MYO10: variants seen among roughly 807,000 people sequenced by gnomAD.
MYO10 encodes the protein unconventional myosin-X.
Under a neutral mutation model 257.3 loss-of-function variants are expected in MYO10, and 133 were observed. The observed-to-expected ratio is 0.52, with a 90% CI of 0.45 to 0.60. MYO10 has a LOEUF of 0.60. Among genes scored for constraint, MYO10 ranks in the 20% least tolerant of loss-of-function variants. The pLI is 0.00. For missense variants in MYO10, 2,399 were observed against 2,635.7 expected (o/e 0.91, Z 1.97); for synonymous variants, 1,104 against 1,028.6 (o/e 1.07, Z -1.40).
intron 37 of MYO10, 29 bp downstream of exon 37, chr5:16,672,660 T>C: frequency 6.2e-7 from 1 of 1,613,436 alleles, no homozygotes; most frequent in South Asian, 1.1e-5. Flanking sequence ...TTATTTGCTC[T>C]TCTGACACAG....
At chr5:16,920,003 C>A (rs71609340) in intron 1 of MYO10, among the ~76,000 whole-genome samples, 1 of 152,006 alleles carries the variant, frequency 6.6e-6, no homozygotes, top group African/African-American at 2.4e-5. Flanking sequence ...CCCAGCTACT[C>A]GGGAGGCTGA....
Position 16,761,501 on chromosome 5 carries a change from A to C in MYO10, c.1702T>G (p.Phe568Val). 1 of 1,613,594 alleles carries C rather than the reference A, an allele frequency of 6.2e-7. No homozygotes were observed. Among genetic ancestry groups the C allele is most frequent in the Non-Finnish European group, 8.5e-7 (1 of 1,179,718 alleles). ...RGILEKNRDT[F>V]RDDLLNLLRE... ...AGCAAATTGAGAAGGTCATCTCGAA[A>C]TGTATCTCTGTTCTTCTCCAAGATA... The change falls in exon 17 of 41, where the codon TTT becomes GTT. Residue 568 changes from phenylalanine (F) to valine (V), a missense_variant. Physicochemically the swap from Phe to Val is conservative, Grantham distance 50. This residue lies in a region of MYO10 where 1,820 missense variants were observed against 1,939.4 expected (regional missense o/e 0.94). Coordinates refer to ENST00000513610, the MANE Select transcript of MYO10 (RefSeq NM_012334.3).
At position 16,694,426 on chromosome 5, in the gene MYO10, A is replaced by G; in HGVS notation, c.3745T>C (p.Phe1249Leu). The change falls in exon 27 of 41, where the codon TTT becomes CTT. Residue 1249 changes from phenylalanine (F) to leucine (L), a missense_variant. This residue lies in a region of MYO10 where 1,820 missense variants were observed against 1,939.4 expected (regional missense o/e 0.94). Coordinates refer to ENST00000513610, the MANE Select transcript of MYO10 (RefSeq NM_012334.3). ...FVLRQSKLMY[F>L]ENDSEEKLKG... is the part of the protein sequence containing the mutation. The stretch of plus-strand genomic sequence containing the variant: ...AGCTTCTCCTCGCTGTCGTTTTCAA[A>G]GTACATCAGCTTGGACTGGCGGAGG... 9 of 1,614,058 alleles carry G rather than the reference A, an allele frequency of 5.6e-6. No homozygotes were observed. Among genetic ancestry groups the G allele is most frequent in the Non-Finnish European group, 7.6e-6 (9 of 1,179,908 alleles).
rs534808658 is a variant in MYO10, at chr5:16,806,793, AG to A, written c.279+11215del. Among the ~76,000 whole-genome samples, 56 of 152,300 alleles carry A rather than the reference AG, an allele frequency of 3.7e-4. No homozygotes were observed. The South Asian group carries it at 0.012, about 32-fold the overall frequency. On this transcript the variant is annotated intron_variant, in intron 3 of 40. Coordinates refer to ENST00000513610, the MANE Select transcript of MYO10 (RefSeq NM_012334.3). ...TCATCTAAACAGCATGGTTTGGTCA[AG>A]TCAGAAGACACCAAGTCCACAGCCC...
At chr5:16,904,658 G>C (rs1017200614) in intron 1 of MYO10, among the ~76,000 whole-genome samples, 6 of 152,032 alleles carry the variant, frequency 3.9e-5, no homozygotes, top group Non-Finnish European at 7.4e-5. Flanking sequence ...GGCTGGGCGC[G>C]GTGGCTCACG....
rs772831674 is a variant in MYO10 at position 16,935,376 on chromosome 5, G to C, written c.21+412C>G. ...CAGGAAGCCCGCACGTTTTGCAAAG[G>C]AAATACCAGACAAGACCTTTCTTGG... On this transcript the variant is annotated intron_variant, in intron 1 of 40. Coordinates refer to ENST00000513610, the MANE Select transcript of MYO10 (RefSeq NM_012334.3). Among the ~76,000 whole-genome samples the C allele has an allele frequency of 1.0e-3, 155 of 152,256 alleles. 1 individual carries two copies. The highest frequency in any genetic ancestry group is 1.8e-3 in the Non-Finnish European group (123 of 68,026).
In MYO10 at chr5:16,822,815, G is replaced by C. The variant is rs541395772; in HGVS notation, c.121-4648C>G. On this transcript the variant is annotated intron_variant, in intron 2 of 40. Coordinates refer to ENST00000513610, the MANE Select transcript of MYO10 (RefSeq NM_012334.3). ...CCATTCTCCTGCCTCAGCCTCCCGC[G>C]TAGCTGGGACTACAGGCGCCCGCAA... Among the ~76,000 whole-genome samples, 83 of 151,850 alleles carry C rather than the reference G, an allele frequency of 5.5e-4. No homozygotes were observed. In the Middle Eastern group the frequency reaches 0.01, roughly 19 times the overall value.
intron 2 of MYO10, among the ~76,000 whole-genome samples, chr5:16,851,634 C>T (rs1181153857): frequency 1.3e-5 from 2 of 152,174 alleles, no homozygotes; most frequent in African/African-American, 2.4e-5. Flanking sequence ...GATGTGAAAC[C>T]TTCATCATGG....
At chr5:16,670,285 A>G (rs1307815466) in intron 39 of MYO10, among the ~76,000 whole-genome samples, 1 of 152,348 alleles carries the variant, frequency 6.6e-6, no homozygotes, top group East Asian at 1.9e-4. Context: ...GAAGGGTAGA[A>G]GAATAGATGA....
chr5:16,681,207 G>A, intron 32 of MYO10, 102 bp downstream of exon 32: 1 of 1,254,770 alleles, frequency 8.0e-7, no homozygotes. Context: ...CTTCTTTGGG[G>A]GGAAATAAAG....
chr5:16,759,684 G>A (rs564093760), intron 17 of MYO10, among the ~76,000 whole-genome samples: 18 of 152,254 alleles, frequency 1.2e-4, no homozygotes, highest in Middle Eastern at 3.4e-3. Context: ...TTTTCACTAC[G>A]ACAAACTGCC....
rs1736920633 is a variant in MYO10, at chr5:16,680,109, A to G, written c.4385-5T>C. 1.9e-6 allele frequency: 3 copies of G among 1,607,126 alleles called. No individual in the cohort carries two copies. Among genetic ancestry groups the G allele is most frequent in the Non-Finnish European group, 2.6e-6 (3 of 1,174,824 alleles). The stretch of plus-strand genomic sequence containing the variant: ...ACACGGTGACGTTCCAGTAGCCTGC[A>G]ATGGCAGGGGTGCCCAGCACACGCA... On this transcript the variant is annotated splice_region_variant and splice_polypyrimidine_tract_variant and intron_variant, in intron 32 of 40. Transcript: ENST00000513610.
chr5:16,826,804 T>C (rs1743015246), intron 2 of MYO10, among the ~76,000 whole-genome samples: 1 of 152,188 alleles, frequency 6.6e-6, no homozygotes. Flanking sequence ...ATTGGCTCTT[T>C]AATTCATGAA....
intron 4 of MYO10, among the ~76,000 whole-genome samples, chr5:16,786,772 A>G (rs1198159731): frequency 6.6e-6 from 1 of 152,152 alleles, no homozygotes; most frequent in Non-Finnish European, 1.5e-5. Context: ...ATTTGCACAG[A>G]GCTCTACGGT....
chr5:16,823,304 G>T (rs1466759039), intron 2 of MYO10, among the ~76,000 whole-genome samples: 1 of 148,540 alleles, frequency 6.7e-6, no homozygotes. Context: ...AATTAGCCAG[G>T]CATGGTGGCA....
At chr5:16,668,511 T>C (rs373113689) in intron 39 of MYO10, 43 bp from the exon 40 acceptor site, 55 of 1,514,778 alleles carry the variant, frequency 3.6e-5, no homozygotes, top group Middle Eastern at 2.2e-4. Flanking sequence ...CATGAAGTGG[T>C]TGGCAACAGA....
At chr5:16,865,550 C>T (rs1199388425) in intron 2 of MYO10, among the ~76,000 whole-genome samples, 1 of 152,128 alleles carries the variant, frequency 6.6e-6, no homozygotes, top group Non-Finnish European at 1.5e-5. Flanking sequence ...AATTACAATG[C>T]CTGTAATCCC....
chr5:16,749,544 C>G (rs1260624587), intron 19 of MYO10, among the ~76,000 whole-genome samples: 1 of 151,398 alleles, frequency 6.6e-6, no homozygotes, highest in Non-Finnish European at 1.5e-5. Flanking sequence ...TAGAGGCCTT[C>G]TTCCACCAGA....
intron 3 of MYO10, among the ~76,000 whole-genome samples, chr5:16,810,809 G>A (rs538238595): frequency 3.0e-4 from 46 of 152,008 alleles, no homozygotes; most frequent in African/African-American, 5.3e-4. Flanking sequence ...AGTGGCTCAC[G>A]TCTGTAATCC....
Sources: allele counts gnomAD v4.1 joint callset (sites outside exome capture counted in the v4.1 genomes callset), GRCh38; gene constraint gnomAD v4.1.1; regional missense constraint gnomAD v4.1.1; transcripts MANE v1.5; gene names NCBI Gene and HGNC (gene_info 2026-07-23, HGNC 2026-07-21).